SMARCC2: variants seen among roughly 807,000 people sequenced by gnomAD.
The protein encoded by SMARCC2 is SWI/SNF related BAF chromatin remodeling complex subunit C2, also known as SWI/SNF complex subunit SMARCC2.
In SMARCC2, 15 loss-of-function variants were observed where a neutral mutation model predicts 151.3. That is an observed-to-expected ratio of 0.10 (90% CI 0.07 to 0.15). The LOEUF is 0.15. Among genes scored for constraint, SMARCC2 ranks in the 10% least tolerant of loss-of-function variants. The probability of loss-of-function intolerance (pLI) is 1.00; values close to 1 mark genes in which losing one functional copy is unlikely to be tolerated. For missense variants in SMARCC2, 1,031 were observed against 1,599.7 expected, an observed-to-expected ratio of 0.64 and a Z score of 6.06; for synonymous variants, 590 against 609.5, an observed-to-expected ratio of 0.97 and a Z score of 0.47.
rs902210391 is a variant in SMARCC2 at position 56,162,709 on chromosome 12, A to C, written c.*980T>G. On this transcript the variant is annotated 3_prime_UTR_variant, in exon 29 of 29. Transcript: ENST00000550164. Reference sequence around the variant, plus strand: ...CTGGGGAGCCCCCAGCTATCAGCTGAAGTTCTCATAGTCTTGGTGGGAGAG... The same window carrying C: ...CTGGGGAGCCCCCAGCTATCAGCTGCAGTTCTCATAGTCTTGGTGGGAGAG... 1.5e-5 allele frequency: 3 copies of C among 194,662 alleles called. No homozygotes were observed. Among genetic ancestry groups the C allele is most frequent in the Non-Finnish European group, 3.2e-5 (3 of 94,534 alleles). The allele number at this position is 194,662 out of a possible 1,614,324, so 12.1% of individuals were successfully genotyped here.
chr12:56,179,618 G>A (rs1475880811), intron 11 of SMARCC2, among the ~76,000 whole-genome samples: 1 of 152,192 alleles, frequency 6.6e-6, no homozygotes. Context: ...CCAAAGTGGG[G>A]TTCTAACATA....
intron 26 of SMARCC2, 45 bp from the exon 27 acceptor site, chr12:56,165,744 C>T (rs774201984): frequency 5.7e-6 from 9 of 1,584,232 alleles, no homozygotes; most frequent in Admixed American, 1.7e-5. Context: ...TCAGCAGATC[C>T]CAAAGGCAAA....
At chr12:56,183,711 C>T (rs1270158898) in intron 7 of SMARCC2, 150 bp downstream of exon 7, 5 of 567,682 alleles carry the variant, frequency 8.8e-6, no homozygotes, top group Non-Finnish European at 1.3e-5. Flanking sequence ...AAACCTCCCC[C>T]AAGACAGAGG....
At chr12:56,175,208 T>C (rs1428927579) in intron 15 of SMARCC2, among the ~76,000 whole-genome samples, 2 of 152,090 alleles carry the variant, frequency 1.3e-5, no homozygotes, top group African/African-American at 2.4e-5. Context: ...ACAGGGTTTC[T>C]CCATGTTGGT....
chr12:56,183,776 A>C, intron 7 of SMARCC2, 85 bp downstream of exon 7: 1 of 832,118 alleles, frequency 1.2e-6, no homozygotes, highest in Non-Finnish European at 2.0e-6. Context: ...TAACTCTGAA[A>C]GAGTGGCCTC....
chr12:56,183,912 A>G lies in SMARCC2; in HGVS notation c.581T>C (p.Val194Ala). Residue 194 changes from valine (V) to alanine (A), a missense_variant, in exon 7 of 29, where the codon GTC becomes GCC. Physicochemically the swap from Val to Ala is moderately conservative, Grantham distance 64. Coordinates refer to ENST00000550164, the MANE Select transcript of SMARCC2 (RefSeq NM_001330288.2). ...NLEEEEWVRP[V>A]MKRDKQVLLH... Reference sequence around the variant, plus strand: ...AAGAACCTGCTTATCCCTCTTCATGACTGGTCGTACCCATTCCTCTGGGGA... The same window carrying G: ...AAGAACCTGCTTATCCCTCTTCATGGCTGGTCGTACCCATTCCTCTGGGGA... 6.2e-7 allele frequency: 1 copy of G among 1,613,044 alleles called. No individual in the cohort carries two copies. Among genetic ancestry groups the G allele is most frequent in the Non-Finnish European group, 8.5e-7 (1 of 1,179,264 alleles).
intron 15 of SMARCC2, among the ~76,000 whole-genome samples, chr12:56,177,013 GT>G (rs1394413847): frequency 6.6e-6 from 1 of 152,038 alleles, no homozygotes; most frequent in African/African-American, 2.4e-5. Flanking sequence ...TAGAGACGGG[GT>G]TTCTCCATGT....
At chr12:56,172,270 C>CG in intron 20 of SMARCC2, 158 bp downstream of exon 20, 1 of 635,926 alleles carries the variant, frequency 1.6e-6, no homozygotes. Flanking sequence ...TTCGTAGAGA[C>CG]GGAGTCTCAC....
At chr12:56,164,041 A>G (rs1389960721) in intron 28 of SMARCC2, among the ~76,000 whole-genome samples, 3 of 152,206 alleles carry the variant, frequency 2.0e-5, no homozygotes, top group Admixed American at 1.3e-4. Flanking sequence ...TCAAGTTTAC[A>G]ACTGAGATGC....
In SMARCC2 at chr12:56,174,726, C is replaced by T; in HGVS notation, c.1421G>A (p.Arg474Gln). 1.9e-6 allele frequency: 3 copies of T among 1,613,470 alleles called. No individual in the cohort carries two copies. Among genetic ancestry groups the T allele is most frequent in the Non-Finnish European group, 2.5e-6 (3 of 1,179,820 alleles). The change falls in exon 16 of 29, where the codon CGA becomes CAA. Residue 474 changes from arginine to glutamine, a missense_variant. Physicochemically the swap from Arg to Gln is conservative, Grantham distance 43. Coordinates refer to ENST00000550164, the MANE Select transcript of SMARCC2 (RefSeq NM_001330288.2). ...GGTAAGATACTCTTGGGGGTTCAGT[C>T]GGTAAGTGTCAATCATAAAGTTTCG... ...AYRNFMIDTY[R>Q]LNPQEYLTST...
At position 56,184,201 on chromosome 12, in the gene SMARCC2, T is replaced by C. The variant is rs1876807117; in HGVS notation, c.536A>G (p.Tyr179Cys). The C allele has an allele frequency of 3.1e-6, 5 of 1,613,748 alleles. No individual in the cohort carries two copies. Among genetic ancestry groups the C allele is most frequent in the Non-Finnish European group, 4.2e-6 (5 of 1,179,726 alleles). ...EDKNNASHVVYPVPGNLEEEE... is the reference protein window; with the variant it reads ...EDKNNASHVVCPVPGNLEEEE... ...TTCTTCTAGATTCCCCGGGACAGGA[T>C]ACACAACATGGGAGGCATTGTTCTT... Residue 179 changes from tyrosine (Y) to cysteine (C), a missense_variant, in exon 6 of 29, where the codon TAT becomes TGT. By Grantham distance (194) the Tyr-to-Cys change is radical. Transcript: ENST00000550164.
intron 11 of SMARCC2, 77 bp from the exon 12 acceptor site, chr12:56,179,133 T>C (rs1207714662): frequency 1.1e-5 from 14 of 1,283,212 alleles, no homozygotes; most frequent in Non-Finnish European, 1.4e-5. Flanking sequence ...CCAGACATCC[T>C]ACTTTCTCCA....
chr12:56,171,494 G>A lies in SMARCC2; in HGVS notation c.2186-62C>T, dbSNP rs995379581. 1.4e-5 allele frequency: 23 copies of A among 1,600,398 alleles called. No homozygotes were observed. Among genetic ancestry groups the A allele is most frequent in the Non-Finnish European group, 1.6e-5 (19 of 1,168,928 alleles). On this transcript the variant is annotated intron_variant, in intron 21 of 28. Transcript: ENST00000550164. This position sits in a 1 kb window ranked among gnomAD's most constrained non-coding sequence, Gnocchi z 4.2. ...CAGTGGAACAGTTCTGGCAATCCCTGCAAAAGCTTACTCACAAGCCCATGT... is the reference window on the plus strand; with the variant it reads ...CAGTGGAACAGTTCTGGCAATCCCTACAAAAGCTTACTCACAAGCCCATGT...
chr12:56,181,925 C>G, intron 8 of SMARCC2, 79 bp downstream of exon 8: 2 of 1,591,746 alleles, frequency 1.3e-6, no homozygotes, highest in Non-Finnish European at 1.7e-6. Context: ...CAAGGGCATA[C>G]AAGCCTCTGT....
chr12:56,172,171 T>G (rs1214618484), intron 20 of SMARCC2: 1 of 557,312 alleles, frequency 1.8e-6, no homozygotes, highest in African/African-American at 1.9e-5. Flanking sequence ...AGCCTTGACC[T>G]CCTAGGCTCA....
Position 56,178,840 on chromosome 12 carries a change from C to T in SMARCC2, c.1149G>A (p.Gln383=). 6.2e-7 allele frequency: 1 copy of T among 1,614,176 alleles called. No individual in the cohort carries two copies. The change falls in exon 13 of 29, where the codon CAG becomes CAA. Residue 383 remains glutamine (Q), a synonymous_variant. Coordinates refer to ENST00000550164, the MANE Select transcript of SMARCC2 (RefSeq NM_001330288.2). ...CCGTCGTCTCCATGCTTTCATCTTC[C>T]TGTTCATCTGAAAGAGAAAAACCAA... ...KGGTMTDLDE[Q]EDESMETTGK...
chr12:56,172,350 G>A lies in SMARCC2; in HGVS notation c.1926+78C>T, dbSNP rs984232872. ...TCCTGCCTTGGCCTCCCAAAGTGCT[G>A]GGATTACAGGCGTGAGCCTCTACAC... is the stretch of plus-strand genomic sequence containing the variant. On this transcript the variant is annotated intron_variant, in intron 20 of 28. Coordinates refer to ENST00000550164, the MANE Select transcript of SMARCC2 (RefSeq NM_001330288.2). 12 of 1,335,088 alleles carry A rather than the reference G, an allele frequency of 9.0e-6. No individual in the cohort carries two copies. In the African/African-American group the frequency reaches 1.5e-4, roughly 16 times the overall value. The allele number at this position is 1,335,088 out of a possible 1,614,324, so 82.7% of individuals were successfully genotyped here. A position where few individuals can be genotyped will look rare whatever the true frequency, so the allele number is the denominator to read the frequency against.
chr12:56,174,303 G>A (rs1333247062), intron 16 of SMARCC2, among the ~76,000 whole-genome samples: 1 of 152,032 alleles, frequency 6.6e-6, no homozygotes, highest in Non-Finnish European at 1.5e-5. Context: ...CTAGAGATGG[G>A]GTTTTGCCAT....
Position 56,164,328 on chromosome 12 carries a change from G to A in SMARCC2, c.3636C>T (p.Leu1212=). 1.2e-6 allele frequency: 2 copies of A among 1,613,336 alleles called. No homozygotes were observed. Among genetic ancestry groups the A allele is most frequent in the Non-Finnish European group, 1.7e-6 (2 of 1,179,960 alleles). The stretch of plus-strand genomic sequence containing the variant: ...CTGGCAGTGGGCTGGCACTGGGCAG[G>A]AGGTTGCCCTGAACAGCTGCCACAA... ...PAIVAAVQGN[L]LPSASPLPDP... The change falls in exon 28 of 29, where the codon CTC becomes CTT. Residue 1212 remains leucine (L), a synonymous_variant. Transcript: ENST00000550164.
Sources: gnomAD v4.1 joint callset for allele counts (sites outside exome capture counted in the v4.1 genomes callset) on GRCh38, gnomAD v4.1.1 for gene constraint, Gnocchi (gnomAD v3.1) non-coding constraint, MANE v1.5 for transcripts, NCBI Gene and HGNC (gene_info 2026-07-23, HGNC 2026-07-21) for gene names.